Variants in PLD5 observed in about 807,000 individuals in gnomAD.
PLD5 encodes the protein inactive phospholipase D5.
PLD5 carries 36 observed loss-of-function variants against 61.1 expected under a neutral mutation model. The ratio of observed to expected loss-of-function variants is 0.59; its 90% CI spans 0.45 to 0.78. PLD5 has a LOEUF of 0.78. PLD5 is among the 30% of genes least tolerant of loss of function. The pLI is 0.00. For synonymous variants in PLD5, 243 were observed against 242.8 expected (o/e 1.00, Z -0.01); for missense variants, 515 against 644.4 (o/e 0.80, Z 2.17).
intron 1 of PLD5, among the ~76,000 whole-genome samples, chr1:242,388,682 G>A (rs1487349742): frequency 6.6e-6 from 1 of 152,236 alleles, no homozygotes; most frequent in East Asian, 1.9e-4. Context: ...GAGACGGTAA[G>A]GAGGAAATGA....
At chr1:242,214,929 T>G (rs1220861244) in intron 5 of PLD5, among the ~76,000 whole-genome samples, 2 of 135,500 alleles carry the variant, frequency 1.5e-5, no homozygotes, top group Non-Finnish European at 3.1e-5. Context: ...CGGGCTGGAG[T>G]GCAGTGGCGA....
At chr1:242,528,666 G>A (rs1269418373), upstream of PLD5, among the ~76,000 whole-genome samples, 1 of 152,180 alleles carries the variant, frequency 6.6e-6, no homozygotes, top group Admixed American at 6.5e-5. Flanking sequence ...TCTGAAAGTA[G>A]TCTTGGTACT....
intron 1 of PLD5, among the ~76,000 whole-genome samples, chr1:242,372,989 C>A (rs912819474): frequency 6.6e-6 from 1 of 152,102 alleles, no homozygotes; most frequent in Admixed American, 6.6e-5. Flanking sequence ...AAGAAACTAC[C>A]ATCAGAGTGA....
chr1:242,431,298 A>C (rs947464856), intron 1 of PLD5, among the ~76,000 whole-genome samples: 4 of 152,260 alleles, frequency 2.6e-5, no homozygotes, highest in Admixed American at 2.0e-4. Flanking sequence ...GTCAACCCAG[A>C]GGCTTTAAAG....
chr1:242,141,924 C>T (rs1013693284), intron 5 of PLD5, among the ~76,000 whole-genome samples: 2 of 152,180 alleles, frequency 1.3e-5, no homozygotes, highest in African/African-American at 4.8e-5. Context: ...CAGATTTGAT[C>T]TTTCTTAGGT....
chr1:242,144,186 A>T (rs115965442), intron 5 of PLD5, among the ~76,000 whole-genome samples: 4,247 of 121,434 alleles, frequency 0.035, 210 homozygotes, highest in African/African-American at 0.12. Flanking sequence ...TTATTTTTTT[A>T]AAAAATATTA....
chr1:242,478,913 C>T (rs1222114952), intron 1 of PLD5, among the ~76,000 whole-genome samples: 2 of 152,116 alleles, frequency 1.3e-5, no homozygotes, highest in African/African-American at 2.4e-5. Flanking sequence ...GAATAGATTA[C>T]AAAATATTCA....
At chr1:242,098,406 C>G (rs1188812000) in intron 9 of PLD5, among the ~76,000 whole-genome samples, 1 of 152,194 alleles carries the variant, frequency 6.6e-6, no homozygotes, top group East Asian at 1.9e-4. Flanking sequence ...GTTTTCAGCT[C>G]CATCAGATCC....
intron 2 of PLD5, among the ~76,000 whole-genome samples, chr1:242,336,657 G>T (rs1317639509): frequency 6.6e-6 from 1 of 152,152 alleles, no homozygotes; most frequent in Non-Finnish European, 1.5e-5. Context: ...AGCAGTGTTT[G>T]CATCTGGGCA....
At chr1:242,219,836 T>A in intron 5 of PLD5, 152 bp downstream of exon 5, 2 of 1,045,290 alleles carry the variant, frequency 1.9e-6, no homozygotes, top group Non-Finnish European at 1.3e-6. Flanking sequence ...GGTTTATCCT[T>A]TCACATAAAA....
chr1:242,266,487 T>C (rs1673680824), intron 3 of PLD5, among the ~76,000 whole-genome samples: 2 of 152,244 alleles, frequency 1.3e-5, no homozygotes, highest in Non-Finnish European at 1.5e-5. Flanking sequence ...TCCACAGTCA[T>C]TGCATTATCT....
In PLD5 at chr1:242,100,600, G is replaced by A. The variant is rs1558218996; in HGVS notation, c.1354+68C>T. The A allele has an allele frequency of 1.3e-5, 15 of 1,159,772 alleles. No homozygotes were observed. The East Asian group carries it at 3.5e-4, about 27-fold the overall frequency. The allele number at this position is 1,159,772 out of a possible 1,614,324, so 71.8% of individuals were successfully genotyped here. On this transcript the variant is annotated intron_variant, in intron 9 of 9. Coordinates refer to ENST00000536534, the MANE Select transcript of PLD5 (RefSeq NM_001372062.1). ...TTGCTTCCTCACCAGGGGATACCGT[G>A]GAGCACAGCTGGACTACCACTCCCT...
At chr1:242,218,853 A>G (rs1038000896) in intron 5 of PLD5, among the ~76,000 whole-genome samples, 3 of 152,194 alleles carry the variant, frequency 2.0e-5, no homozygotes, top group Admixed American at 6.5e-5. Flanking sequence ...AAATTATAAG[A>G]GGAGTATTTC....
At position 242,481,371 on chromosome 1, in the gene PLD5, C is replaced by T. The variant is rs183724711; in HGVS notation, c.189+42717G>A. Among the ~76,000 whole-genome samples the T allele has an allele frequency of 2.9e-4, 44 of 152,306 alleles. No homozygotes were observed. In the East Asian group the frequency reaches 5.8e-3, roughly 20 times the overall value. ...AGGTCACTCCCACCTTAATACTGCA[C>T]TTTTCCAACGGTCTTAGCAAACGGC... On this transcript the variant is annotated intron_variant, in intron 1 of 9. Transcript: ENST00000536534.
chr1:242,200,061 C>T (rs1450261513), intron 5 of PLD5, among the ~76,000 whole-genome samples: 2 of 152,134 alleles, frequency 1.3e-5, no homozygotes, highest in Non-Finnish European at 2.9e-5. Flanking sequence ...GAACCATTCT[C>T]TAAAATGTTT....
At chr1:242,120,794 T>C (rs111422328) in intron 6 of PLD5, among the ~76,000 whole-genome samples, 120 of 152,340 alleles carry the variant, frequency 7.9e-4, no homozygotes, top group African/African-American at 2.7e-3. Context: ...AACAGCCAAC[T>C]ATTGTTCCCA....
At chr1:242,455,103 T>C (rs1666906430) in intron 1 of PLD5, among the ~76,000 whole-genome samples, 1 of 152,194 alleles carries the variant, frequency 6.6e-6, no homozygotes, top group Non-Finnish European at 1.5e-5. Context: ...AAAATAAGCT[T>C]CAGAAGCTGC....
Position 242,088,601 on chromosome 1 carries a change from G to A in PLD5, c.*1253C>T, listed in dbSNP as rs140353627. 1,340 of 152,238 alleles carry A rather than the reference G, an allele frequency of 8.8e-3. 13 individuals are homozygous for A. Among genetic ancestry groups the A allele is most frequent in the Non-Finnish European group, 0.013 (883 of 68,022 alleles). The allele number at this position is 152,238 out of a possible 1,614,324, so 9.4% of individuals were successfully genotyped here. On this transcript the variant is annotated 3_prime_UTR_variant, in exon 10 of 10. Coordinates refer to ENST00000536534, the MANE Select transcript of PLD5 (RefSeq NM_001372062.1). Reference sequence around the variant, plus strand: ...GGGCTCCGCTTTGAGTCACAGAGTCGGGAACAACATTGGAACTGGACATCC... The same window carrying A: ...GGGCTCCGCTTTGAGTCACAGAGTCAGGAACAACATTGGAACTGGACATCC...
rs982384871 is a variant in PLD5 at position 242,478,708 on chromosome 1, C to T, written c.189+45380G>A. 3.9e-5 allele frequency among the ~76,000 whole-genome samples: 6 copies of T among 152,110 alleles called. No individual in the cohort carries two copies. In the East Asian group the frequency reaches 9.7e-4, roughly 25 times the overall value. On this transcript the variant is annotated intron_variant, in intron 1 of 9. Transcript: ENST00000536534. ...TGATATTCCCTGGACTGCTAGGCATCGGGCAGATGTAAAGAGTTGTAATTC... is the reference window on the plus strand; with the variant it reads ...TGATATTCCCTGGACTGCTAGGCATTGGGCAGATGTAAAGAGTTGTAATTC...
Sources: gnomAD v4.1 joint callset for allele counts (sites outside exome capture counted in the v4.1 genomes callset) on GRCh38, gnomAD v4.1.1 for gene constraint, MANE v1.5 for transcripts, NCBI Gene and HGNC (gene_info 2026-07-23, HGNC 2026-07-21) for gene names.